Variants in DHX38 observed in about 807,000 individuals in gnomAD.
DHX38 encodes pre-mRNA-splicing factor ATP-dependent RNA helicase PRP16.
In DHX38, 100 loss-of-function variants were observed where a neutral mutation model predicts 153.1. The ratio of observed to expected loss-of-function variants is 0.65; its 90% CI spans 0.56 to 0.77. The LOEUF is 0.77. Ranked by LOEUF, DHX38 falls within the 30% of genes least tolerant of loss-of-function variation. The pLI is 0.00. For synonymous variants in DHX38, 650 were observed against 631.7 expected (o/e 1.03, Z -0.43); for missense variants, 1,440 against 1,654.0 (o/e 0.87, Z 2.24).
Position 72,107,455 on chromosome 16 carries a change from C to G in DHX38, c.2716C>G (p.Leu906Val). The change falls in exon 20 of 27, where the codon CTG becomes GTG. Residue 906 changes from leucine to valine, a missense_variant. Physicochemically the swap from Leu to Val is conservative, Grantham distance 32 (BLOSUM62 1). Coordinates refer to ENST00000268482, the MANE Select transcript of DHX38 (RefSeq NM_014003.4). The surrounding 1 kb of genome is among the most constrained non-coding windows in gnomAD (Gnocchi z 5.3). ...LLLKSLGVQD[L>V]LQFHFMDPPP... ...GCTCAAGTCCCTCGGGGTGCAGGACCTGCTGCAGTTCCACTTCATGGACCC... is the reference window on the plus strand; with the variant it reads ...GCTCAAGTCCCTCGGGGTGCAGGACGTGCTGCAGTTCCACTTCATGGACCC... 1 of 1,614,224 alleles carries G rather than the reference C, an allele frequency of 6.2e-7. No individual in the cohort carries two copies. Among genetic ancestry groups the G allele is most frequent in the Non-Finnish European group, 8.5e-7 (1 of 1,180,054 alleles).
At position 72,096,889 on chromosome 16, in the gene DHX38, C is replaced by T. The variant is rs763215842; in HGVS notation, c.391C>T (p.Arg131Cys). The part of the protein sequence containing the change: ...PGGVSEEFWE[R>C]SRQRERERRE... ...TGGTGTGAGCGAAGAGTTTTGGGAA[C>T]GCAGTCGGCAGAGAGAGCGGGAGCG... The change falls in exon 3 of 27, where the codon CGC becomes TGC. Residue 131 changes from arginine to cysteine, a missense_variant. Arg to Cys is a radical substitution (Grantham distance 180). Transcript: ENST00000268482. 27 of 1,614,008 alleles carry T rather than the reference C, an allele frequency of 1.7e-5. No individual in the cohort carries two copies. Among genetic ancestry groups the T allele is most frequent in the Admixed American group, 5.0e-5 (3 of 60,012 alleles).
rs1459938795 is a variant in DHX38, at chr16:72,107,152, A to C, written c.2601-188A>C. ...TGTCTAAAAAAAAAAGAAATGAAACATGTAAGAGGCTCCAGAAGAAGGGCT... is the reference window on the plus strand; with the variant it reads ...TGTCTAAAAAAAAAAGAAATGAAACCTGTAAGAGGCTCCAGAAGAAGGGCT... On this transcript the variant is annotated intron_variant, in intron 19 of 26. Coordinates refer to ENST00000268482, the MANE Select transcript of DHX38 (RefSeq NM_014003.4). This position sits in a 1 kb window ranked among gnomAD's most constrained non-coding sequence, Gnocchi z 5.3. Among the ~76,000 whole-genome samples the C allele has an allele frequency of 1.3e-5, 2 of 152,122 alleles. No individual in the cohort carries two copies. Among genetic ancestry groups the C allele is most frequent in the Non-Finnish European group, 2.9e-5 (2 of 68,000 alleles).
At chr16:72,112,248 C>T (rs895874017) in intron 26 of DHX38, 165 bp from the exon 27 acceptor site, 4 of 642,648 alleles carry the variant, frequency 6.2e-6, no homozygotes, top group Non-Finnish European at 1.1e-5. Context: ...GCCAGTCGAA[C>T]ATGGGGACGG....
In DHX38 at chr16:72,100,534, G is replaced by A; in HGVS notation, c.1215G>A (p.Val405=). ...EDFEEDNAAK[V]HLMVHNLVPP... The stretch of plus-strand genomic sequence containing the variant: ...TTGAAGAGGACAACGCGGCCAAGGT[G>A]CATCTGATGGTGCACAATCTGGTGC... The change falls in exon 9 of 27, where the codon GTG becomes GTA. Residue 405 remains valine, a synonymous_variant. Transcript: ENST00000268482. 1 of 1,614,156 alleles carries A rather than the reference G, an allele frequency of 6.2e-7. No homozygotes were observed. The highest frequency in any genetic ancestry group is 8.5e-7 in the Non-Finnish European group (1 of 1,180,024).
intron 24 of DHX38, 41 bp from the exon 25 acceptor site, chr16:72,109,374 G>T: frequency 6.3e-7 from 1 of 1,593,836 alleles, no homozygotes; most frequent in Non-Finnish European, 8.6e-7. Flanking sequence ...AGGGACATTG[G>T]CCCTCCTGTG....
At chr16:72,098,594 A>G (rs2042053045) in intron 4 of DHX38, 51 bp from the exon 5 acceptor site, 2 of 1,602,004 alleles carry the variant, frequency 1.2e-6, no homozygotes, top group South Asian at 1.1e-5. Context: ...GTTCTAGACC[A>G]TGTCATGGTT....
In DHX38 at chr16:72,106,088, C is replaced by T. The variant is rs775234496; in HGVS notation, c.2571C>T (p.Ala857=). 30 of 1,614,084 alleles carry T rather than the reference C, an allele frequency of 1.9e-5. No homozygotes were observed. The highest frequency in any genetic ancestry group is 3.3e-4 in the Middle Eastern group (2 of 6,084). The change falls in exon 19 of 27, where the codon GCC becomes GCT. Residue 857 remains alanine, a synonymous_variant. Coordinates refer to ENST00000268482, the MANE Select transcript of DHX38 (RefSeq NM_014003.4). ...QANANQRSGR[A]GRTGPGQCFR... ...ATGCCAACCAGCGGTCAGGGCGAGC[C>T]GGCAGGACGGGCCCAGGTCAGTGTT...
rs2042138181 is a variant in DHX38 at position 72,104,077 on chromosome 16, C to T, written c.1956C>T (p.Asp652=). Residue 652 remains aspartate, a synonymous_variant, in exon 14 of 27, where the codon GAC becomes GAT. Coordinates refer to ENST00000268482, the MANE Select transcript of DHX38 (RefSeq NM_014003.4). This position sits in a 1 kb window ranked among gnomAD's most constrained non-coding sequence, Gnocchi z 4.5. Reference sequence around the variant, plus strand: ...ATCACTACAGTGCCATCATCATGGACGAGGCCCACGAGCGCTCCCTCAACA... The same window carrying T: ...ATCACTACAGTGCCATCATCATGGATGAGGCCCACGAGCGCTCCCTCAACA... ...DLDHYSAIIM[D]EAHERSLNTD... is the part of the protein sequence containing the mutation. The T allele has an allele frequency of 7.4e-6, 12 of 1,614,050 alleles. No homozygotes were observed. The African/African-American group carries it at 8.0e-5, about 11-fold the overall frequency.
In DHX38 at chr16:72,112,397, C is replaced by T. The variant is rs374773050; in HGVS notation, c.3600-16C>T. On this transcript the variant is annotated splice_polypyrimidine_tract_variant and intron_variant, in intron 26 of 26. Coordinates refer to ENST00000268482, the MANE Select transcript of DHX38 (RefSeq NM_014003.4). ...GAGGGCACGGTGTTTCCTGATCTCT[C>T]CTGCTGTGTCTCCAGGTCTACGAAG... The T allele has an allele frequency of 2.5e-5, 40 of 1,575,754 alleles. No homozygotes were observed. The highest frequency in any genetic ancestry group is 3.1e-5 in the Non-Finnish European group (36 of 1,166,434).
intron 25 of DHX38, 44 bp downstream of exon 25, chr16:72,109,554 G>T: frequency 1.3e-6 from 2 of 1,573,172 alleles, no homozygotes; most frequent in Non-Finnish European, 1.7e-6. Flanking sequence ...TTGCCTGTGG[G>T]GTCGGTGTTC....
chr16:72,104,930 C>T lies in DHX38; in HGVS notation c.2152-97C>T, dbSNP rs2042152941. ...GTGGTGGCCCTCAAAGTCCATGGCT[C>T]CATTCCAGAGCAGTGCCTGGGCCAC... On this transcript the variant is annotated intron_variant, in intron 15 of 26. Transcript: ENST00000268482. The surrounding 1 kb of genome is among the most constrained non-coding windows in gnomAD (Gnocchi z 4.5). 5 of 1,243,778 alleles carry T rather than the reference C, an allele frequency of 4.0e-6. No homozygotes were observed. The highest frequency in any genetic ancestry group is 2.5e-5 in the East Asian group (1 of 40,010). 77.0% of individuals were successfully genotyped at this position (1,243,778 alleles called of 1,614,324 possible).
Position 72,104,047 on chromosome 16 carries a change from C to G in DHX38, c.1926C>G (p.Asp642Glu), listed in dbSNP as rs1254713042. 1.2e-6 allele frequency: 2 copies of G among 1,614,162 alleles called. No homozygotes were observed. Among genetic ancestry groups the G allele is most frequent in the Admixed American group, 1.7e-5 (1 of 60,026 alleles). ...ILLRESLREA[D>E]LDHYSAIIMD... ...TCCGAGAGTCCCTCCGGGAAGCCGACCTGGATCACTACAGTGCCATCATCA... is the reference window on the plus strand; with the variant it reads ...TCCGAGAGTCCCTCCGGGAAGCCGAGCTGGATCACTACAGTGCCATCATCA... The change falls in exon 14 of 27, where the codon GAC (aspartate) becomes GAG (glutamate). Residue 642 changes from aspartate (D) to glutamate (E), a missense_variant. Asp to Glu is a conservative substitution (Grantham distance 45). Coordinates refer to ENST00000268482, the MANE Select transcript of DHX38 (RefSeq NM_014003.4). This position sits in a 1 kb window ranked among gnomAD's most constrained non-coding sequence, Gnocchi z 4.5.
At position 72,103,800 on chromosome 16, in the gene DHX38, TGG is replaced by T. The variant is rs775327446; in HGVS notation, c.1824+16_1824+17del. The stretch of plus-strand genomic sequence containing the variant: ...ACCTTGGCGAGGAGGTGAGTGGGCG[TGG>T]GGGCTGAGCCATGTAGTTATTCCCT... On this transcript the variant is annotated intron_variant, in intron 13 of 26. Coordinates refer to ENST00000268482, the MANE Select transcript of DHX38 (RefSeq NM_014003.4). 15 of 1,607,676 alleles carry T rather than the reference TGG, an allele frequency of 9.3e-6. No homozygotes were observed. Among genetic ancestry groups the T allele is most frequent in the Non-Finnish European group, 1.0e-5 (12 of 1,174,656 alleles).
intron 19 of DHX38, 100 bp downstream of exon 19, chr16:72,106,217 C>G: frequency 8.9e-6 from 10 of 1,122,232 alleles, no homozygotes; most frequent in Non-Finnish European, 1.3e-5. Context: ...AGAGCTGGTC[C>G]CCAAGGCTGG....
At position 72,105,459 on chromosome 16, in the gene DHX38, G is replaced by A. The variant is rs865953488; in HGVS notation, c.2380-58G>A. On this transcript the variant is annotated intron_variant, in intron 17 of 26. Transcript: ENST00000268482. ...GCTAGGAGGTAGGCTTTTCCCCCTCGCGGAGCCTTTCCTGTCTCGAGGGAC... is the reference window on the plus strand; with the variant it reads ...GCTAGGAGGTAGGCTTTTCCCCCTCACGGAGCCTTTCCTGTCTCGAGGGAC... 1.3e-5 allele frequency: 21 copies of A among 1,607,376 alleles called. No individual in the cohort carries two copies. The Middle Eastern group carries it at 6.7e-4, about 51-fold the overall frequency.
Position 72,107,625 on chromosome 16 carries a change from G to C in DHX38, c.2810-20G>C, listed in dbSNP as rs781013810. The stretch of plus-strand genomic sequence containing the variant: ...CCTCTACTGTCCCGTCAAATATCCG[G>C]GTTTGCTCATCTCTCCTAGGTGGTC... On this transcript the variant is annotated intron_variant, in intron 20 of 26. Coordinates refer to ENST00000268482, the MANE Select transcript of DHX38 (RefSeq NM_014003.4). This position sits in a 1 kb window ranked among gnomAD's most constrained non-coding sequence, Gnocchi z 5.3. 6.2e-7 allele frequency: 1 copy of C among 1,611,770 alleles called. No homozygotes were observed. Among genetic ancestry groups the C allele is most frequent in the Non-Finnish European group, 8.5e-7 (1 of 1,178,062 alleles).
intron 24 of DHX38, 139 bp downstream of exon 24, chr16:72,109,064 T>G: frequency 2.2e-6 from 3 of 1,339,798 alleles, no homozygotes; most frequent in Non-Finnish European, 3.0e-6. Context: ...CATGTGAGGT[T>G]GGTTTTCATT....
Position 72,099,759 on chromosome 16 carries a change from G to A in DHX38, c.988G>A (p.Asp330Asn), listed in dbSNP as rs929264678. ...AGCCGATCGGGATTGGTACATGATG[G>A]ACGAGGGCTATGACGAGTTCCACAA... ...RQADRDWYMMDEGYDEFHNPL... is the reference protein window; with the variant it reads ...RQADRDWYMMNEGYDEFHNPL... Residue 330 changes from aspartate (D) to asparagine (N), a missense_variant, in exon 8 of 27, where the codon GAC becomes AAC. Coordinates refer to ENST00000268482, the MANE Select transcript of DHX38 (RefSeq NM_014003.4). The A allele has an allele frequency of 7.4e-6, 12 of 1,614,072 alleles. No homozygotes were observed. The highest frequency in any genetic ancestry group is 1.0e-5 in the Non-Finnish European group (12 of 1,180,036).
chr16:72,111,646 G>A (rs2042258143), intron 26 of DHX38, among the ~76,000 whole-genome samples: 1 of 152,236 alleles, frequency 6.6e-6, no homozygotes, highest in Non-Finnish European at 1.5e-5. Context: ...GAGATGCATA[G>A]AGCAAGGTCT....
Sources: gnomAD v4.1 joint callset for allele counts (sites outside exome capture counted in the v4.1 genomes callset) on GRCh38, gnomAD v4.1.1 for gene constraint, Gnocchi (gnomAD v3.1) non-coding constraint, MANE v1.5 for transcripts, NCBI Gene and HGNC (gene_info 2026-07-23, HGNC 2026-07-21) for gene names.